The following AJAP1 variants were observed in gnomAD, a reference collection of about 807,000 sequenced individuals.
AJAP1 encodes the protein adherens junction-associated protein 1.
A neutral mutation model predicts 35.0 loss-of-function variants in AJAP1; 5 were observed. The ratio of observed to expected loss-of-function variants is 0.14; its 90% CI spans 0.07 to 0.30. The LOEUF is 0.30. Among genes scored for constraint, AJAP1 ranks in the 10% least tolerant of loss-of-function variants. The pLI is 1.00. For synonymous variants in AJAP1, 284 were observed against 249.3 expected (o/e 1.14, Z -1.31); for missense variants, 586 against 571.0 (o/e 1.03, Z -0.27).
intron 1 of AJAP1, among the ~76,000 whole-genome samples, chr1:4,678,619 G>A (rs1286086655): frequency 1.3e-5 from 2 of 152,188 alleles, no homozygotes; most frequent in Non-Finnish European, 2.9e-5. Flanking sequence ...GTACCCTAGC[G>A]AGATGGATGT....
chr1:4,681,004 T>C (rs1194212617), intron 1 of AJAP1, among the ~76,000 whole-genome samples: 4 of 152,230 alleles, frequency 2.6e-5, no homozygotes, highest in African/African-American at 9.6e-5. Context: ...GATAAACTTC[T>C]GAGCAAGTTC....
intron 5 of AJAP1, among the ~76,000 whole-genome samples, chr1:4,775,531 G>A (rs770068611): frequency 2.0e-5 from 3 of 152,278 alleles, no homozygotes; most frequent in Non-Finnish European, 4.4e-5. Flanking sequence ...TCAGGGGCCC[G>A]CGGACAGGGA....
intron 2 of AJAP1, among the ~76,000 whole-genome samples, chr1:4,747,345 C>G (rs1345708221): frequency 6.6e-6 from 1 of 152,228 alleles, no homozygotes. Context: ...CTCCACCTCA[C>G]CCGGCCTCTG....
At position 4,774,503 on chromosome 1, in the gene AJAP1, G is replaced by A; in HGVS notation, c.*4G>A. On this transcript the variant is annotated 3_prime_UTR_variant, in exon 5 of 6. Coordinates refer to ENST00000378191, the MANE Select transcript of AJAP1 (RefSeq NM_018836.4). ...ATGGTTTGAAATCTCCTGCTGACTG[G>A]CCGAAGTCTTTTTTACCTCCTGGGG... 2 of 1,613,940 alleles carry A rather than the reference G, an allele frequency of 1.2e-6. No homozygotes were observed. Among genetic ancestry groups the A allele is most frequent in the Non-Finnish European group, 1.7e-6 (2 of 1,179,902 alleles).
chr1:4,731,661 C>G (rs2100299557), intron 2 of AJAP1, among the ~76,000 whole-genome samples: 1 of 152,240 alleles, frequency 6.6e-6, no homozygotes. Flanking sequence ...ATACAGGGTC[C>G]CCAACAGAGC....
intron 2 of AJAP1, among the ~76,000 whole-genome samples, chr1:4,724,028 C>CT (rs1640588867): frequency 6.6e-6 from 1 of 152,160 alleles, no homozygotes; most frequent in African/African-American, 2.4e-5. Flanking sequence ...GAGGGCTGAC[C>CT]TTTTTCCTCT....
At chr1:4,682,969 C>T (rs1199758017) in intron 1 of AJAP1, among the ~76,000 whole-genome samples, 1 of 152,152 alleles carries the variant, frequency 6.6e-6, no homozygotes, top group Non-Finnish European at 1.5e-5. Context: ...TAAGCCTGCA[C>T]CATTTTCCAG....
At chr1:4,735,134 G>A (rs150315127) in intron 2 of AJAP1, among the ~76,000 whole-genome samples, 3,352 of 152,326 alleles carry the variant, frequency 0.022, 50 homozygotes, top group Middle Eastern at 0.044. Context: ...CCGCACCAGC[G>A]GCAGGAGCAC....
intron 1 of AJAP1, among the ~76,000 whole-genome samples, chr1:4,678,912 C>T (rs1042544174): frequency 3.3e-4 from 50 of 152,332 alleles, no homozygotes; most frequent in African/African-American, 1.1e-3. Flanking sequence ...TCATAACAAC[C>T]GAGTAGGTAT....
chr1:4,775,192 T>A (rs1557650565), intron 5 of AJAP1, among the ~76,000 whole-genome samples: 1 of 152,188 alleles, frequency 6.6e-6, no homozygotes, highest in African/African-American at 2.4e-5. Flanking sequence ...TTAACTTTAA[T>A]GCTAACGTTA....
At chr1:4,718,658 T>C (rs544473783) in intron 2 of AJAP1, among the ~76,000 whole-genome samples, 126 of 152,156 alleles carry the variant, frequency 8.3e-4, no homozygotes, top group Admixed American at 2.3e-3. Flanking sequence ...AATTTTTGTA[T>C]TTTTAGTAGA....
chr1:4,706,738 C>T (rs930626809), intron 1 of AJAP1, among the ~76,000 whole-genome samples: 5 of 152,110 alleles, frequency 3.3e-5, no homozygotes, highest in Admixed American at 6.5e-5. Flanking sequence ...TGTCTTTGGC[C>T]CCTTAATTGA....
chr1:4,673,929 C>T (rs1639303298), intron 1 of AJAP1, among the ~76,000 whole-genome samples: 1 of 150,554 alleles, frequency 6.6e-6, no homozygotes, highest in Non-Finnish European at 1.5e-5. Context: ...AATAGGGCTG[C>T]CAGATAAAAG....
intron 1 of AJAP1, among the ~76,000 whole-genome samples, chr1:4,698,451 G>C (rs561930863): frequency 6.6e-6 from 1 of 152,218 alleles, no homozygotes; most frequent in Non-Finnish European, 1.5e-5. Flanking sequence ...GCTGTTTGAG[G>C]ACTTCTGAGG....
chr1:4,735,312 C>T (rs369631395), intron 2 of AJAP1, among the ~76,000 whole-genome samples: 26 of 152,324 alleles, frequency 1.7e-4, no homozygotes, highest in African/African-American at 3.6e-4. Flanking sequence ...GAGAAGTCAT[C>T]CCTGGAATTC....
chr1:4,693,406 G>A lies in AJAP1; in HGVS notation c.30-18494G>A, dbSNP rs1639788773. Among the ~76,000 whole-genome samples, 1 of 151,764 alleles carries A rather than the reference G, an allele frequency of 6.6e-6. No individual in the cohort carries two copies. The highest frequency in any genetic ancestry group is 1.5e-5 in the Non-Finnish European group (1 of 67,888). On this transcript the variant is annotated intron_variant, in intron 1 of 5. Transcript: ENST00000378191. The surrounding 1 kb of genome is among the most constrained non-coding windows in gnomAD (Gnocchi z 4.4). ...CAGGGGGCGGGGGGAGGGATTGGAGGAGGCCTAAGCAGGAGCAGGTAGGGC... is the reference window on the plus strand; with the variant it reads ...CAGGGGGCGGGGGGAGGGATTGGAGAAGGCCTAAGCAGGAGCAGGTAGGGC...
chr1:4,663,380 C>T (rs1639045923), intron 1 of AJAP1, among the ~76,000 whole-genome samples: 1 of 151,928 alleles, frequency 6.6e-6, no homozygotes, highest in African/African-American at 2.4e-5. Flanking sequence ...GTGTTAGATG[C>T]TGCCACTCAC....
Position 4,784,758 on chromosome 1 carries a change from C to T in AJAP1, c.*2273C>T, listed in dbSNP as rs1438670773. 1 of 152,268 alleles carries T rather than the reference C, an allele frequency of 6.6e-6. No individual in the cohort carries two copies. Among genetic ancestry groups the T allele is most frequent in the Non-Finnish European group, 1.5e-5 (1 of 68,050 alleles). 9.4% of individuals were successfully genotyped at this position (152,268 alleles called of 1,614,324 possible). A position where few individuals can be genotyped will look rare whatever the true frequency, so the allele number is the denominator to read the frequency against. On this transcript the variant is annotated 3_prime_UTR_variant, in exon 6 of 6. Coordinates refer to ENST00000378191, the MANE Select transcript of AJAP1 (RefSeq NM_018836.4). ...TTGGCACATCCTGAGACAATGCAAA[C>T]ATCCGCCACTGGCATTTGGCCGTCT...
rs551877288 is a variant in AJAP1, at chr1:4,782,020, T to C, written c.*60-525T>C. On this transcript the variant is annotated intron_variant, in intron 5 of 5. Coordinates refer to ENST00000378191, the MANE Select transcript of AJAP1 (RefSeq NM_018836.4). This position sits in a 1 kb window ranked among gnomAD's most constrained non-coding sequence, Gnocchi z 5.3. ...GAGGTGGATTTTCTGATGCAGTCCA[T>C]TTATCTCTCCCGAATTCTGGCCTCG... Among the ~76,000 whole-genome samples the C allele has an allele frequency of 2.6e-5, 4 of 152,258 alleles. No homozygotes were observed. The highest frequency in any genetic ancestry group is 9.6e-5 in the African/African-American group (4 of 41,556).
Sources: gnomAD v4.1 joint callset for allele counts (sites outside exome capture counted in the v4.1 genomes callset) on GRCh38, gnomAD v4.1.1 for gene constraint, Gnocchi (gnomAD v3.1) non-coding constraint, MANE v1.5 for transcripts, NCBI Gene and HGNC (gene_info 2026-07-23, HGNC 2026-07-21) for gene names.